Variants in PLXNA1 observed in about 807,000 individuals in gnomAD.
PLXNA1 encodes plexin-A1.
PLXNA1 carries 77 observed loss-of-function variants against 191.7 expected under a neutral mutation model. The observed-to-expected ratio is 0.40, with a 90% CI of 0.33 to 0.49. PLXNA1 has a LOEUF of 0.49. PLXNA1 is among the 20% of genes least tolerant of loss of function. PLXNA1 has a pLI of 0.63. For synonymous variants in PLXNA1, 1,137 were observed against 1,156.4 expected, an observed-to-expected ratio of 0.98 and a Z score of 0.34; for missense variants, 2,110 against 2,660.2, an observed-to-expected ratio of 0.79 and a Z score of 4.55.
At chr3:126,991,678 G>C in intron 3 of PLXNA1, 112 bp downstream of exon 3, 1 of 1,155,898 alleles carries the variant, frequency 8.7e-7, no homozygotes, top group Non-Finnish European at 1.2e-6. Context: ...GGCTAGATCT[G>C]GCGTACAGGG....
intron 23 of PLXNA1, chr3:127,026,332 G>C (rs2079176347): frequency 1.3e-5 from 2 of 152,216 alleles, no homozygotes; most frequent in African/African-American, 2.4e-5. Flanking sequence ...TGGCTTGTAT[G>C]GGGCAGGTGC....
At chr3:127,031,265 C>T (rs1175981277) in intron 29 of PLXNA1, among the ~76,000 whole-genome samples, 3 of 152,332 alleles carry the variant, frequency 2.0e-5, no homozygotes, top group East Asian at 1.9e-4. Context: ...GCCCCTGGAG[C>T]GGGTCCCTGC....
At chr3:126,991,915 G>C (rs978612483) in intron 3 of PLXNA1, among the ~76,000 whole-genome samples, 10 of 152,114 alleles carry the variant, frequency 6.6e-5, no homozygotes, top group Non-Finnish European at 1.2e-4. Context: ...AGGCCTGCGC[G>C]GCCCCCTCCC....
intron 3 of PLXNA1, among the ~76,000 whole-genome samples, chr3:126,994,120 T>TGACAGGTGGGGAAACTGAGTGCTCAA (rs2079004086): frequency 2.0e-5 from 3 of 152,090 alleles, no homozygotes; most frequent in South Asian, 2.1e-4. Context: ...GTCATCTGTT[T>TGACAGGTGGGGAAACTGAGTGCTCAA]GACAGGTGGG....
chr3:126,989,553 C>T lies in PLXNA1; in HGVS notation c.960C>T (p.Pro320=), dbSNP rs145537068. 54 of 1,613,230 alleles carry T rather than the reference C, an allele frequency of 3.3e-5. No homozygotes were observed. Among genetic ancestry groups the T allele is most frequent in the East Asian group, 2.9e-4 (13 of 44,886 alleles). The change falls in exon 2 of 32, where the codon CCC becomes CCT. Residue 320 remains proline, a synonymous_variant. Coordinates refer to ENST00000393409, the MANE Select transcript of PLXNA1 (RefSeq NM_032242.4). The stretch of plus-strand genomic sequence containing the variant: ...TGCAGGATGCCTACCTGAGCCGGCC[C>T]GGCCGTGCCCTGGCCCACCAGCTGG... ...RLVQDAYLSR[P]GRALAHQLGL... is the part of the protein sequence containing the mutation.
At chr3:126,997,699 G>A (rs780652524) in intron 3 of PLXNA1, among the ~76,000 whole-genome samples, 4 of 152,274 alleles carry the variant, frequency 2.6e-5, no homozygotes, top group Non-Finnish European at 5.9e-5. Flanking sequence ...GCGACCTGCT[G>A]TTTGCCCTGT....
intron 15 of PLXNA1, 114 bp from the exon 16 acceptor site, chr3:127,016,403 C>G: frequency 1.1e-6 from 1 of 902,678 alleles, no homozygotes; most frequent in Non-Finnish European, 1.7e-6. Context: ...TGCAGCCACC[C>G]AAGGCAGTAC....
intron 9 of PLXNA1, among the ~76,000 whole-genome samples, chr3:127,009,506 T>G (rs182743161): frequency 0.026 from 3,961 of 151,904 alleles, 80 homozygotes; most frequent in Middle Eastern, 0.041. Flanking sequence ...CTAAGGGGTG[T>G]GACGTGAGTC....
chr3:127,013,577 G>T (rs150453008), intron 10 of PLXNA1, among the ~76,000 whole-genome samples: 1 of 152,220 alleles, frequency 6.6e-6, no homozygotes, highest in Non-Finnish European at 1.5e-5. Flanking sequence ...GATTTTGCCT[G>T]TCTCTGCCCC....
chr3:127,021,323 A>T (rs2079151285), intron 21 of PLXNA1, among the ~76,000 whole-genome samples: 1 of 152,060 alleles, frequency 6.6e-6, no homozygotes, highest in South Asian at 2.1e-4. Context: ...GTGACTGTGT[A>T]TGTTCTGCCT....
intron 1 of PLXNA1, among the ~76,000 whole-genome samples, chr3:126,983,625 CG>C (rs1161736906): frequency 1.3e-5 from 2 of 148,440 alleles, no homozygotes; most frequent in African/African-American, 4.9e-5. Context: ...GCCCCCCGGC[CG>C]GGCCCGCCGA....
chr3:127,030,056 GC>G lies in PLXNA1; in HGVS notation c.5055del (p.Thr1686ProfsTer66). On this transcript the variant is annotated frameshift_variant, in exon 28 of 32. Transcript: ENST00000393409. LOFTEE classifies it high-confidence loss of function. ...VSEIYLTRLL[A>X]TKGTLQKFVD... ...GGAGATCTACTTGACACGGCTACTG[GC>G]CACCAAGGTGGGCCTGGCTGGCAGA... is the stretch of plus-strand genomic sequence containing the variant. 1 of 1,610,488 alleles carries G rather than the reference GC, an allele frequency of 6.2e-7. No homozygotes were observed. Among genetic ancestry groups the G allele is most frequent in the Non-Finnish European group, 8.5e-7 (1 of 1,177,402 alleles).
rs2078978442 is a variant in PLXNA1 at position 126,989,444 on chromosome 3, G to A, written c.851G>A (p.Arg284Gln). The A allele has an allele frequency of 1.2e-6, 2 of 1,613,588 alleles. No homozygotes were observed. The highest frequency in any genetic ancestry group is 1.7e-6 in the Non-Finnish European group (2 of 1,180,034). Residue 284 changes from arginine (R) to glutamine (Q), a missense_variant, in exon 2 of 32, where the codon CGG (arginine) becomes CAG (glutamine). Transcript: ENST00000393409. ...GEHFFTSKIV[R>Q]LCVDDPKFYS... ...CACTTCTTCACGTCCAAGATCGTGC[G>A]GCTCTGTGTGGACGACCCCAAATTC...
intron 9 of PLXNA1, among the ~76,000 whole-genome samples, chr3:127,011,199 T>A (rs923758510): frequency 2.6e-5 from 4 of 152,222 alleles, no homozygotes; most frequent in African/African-American, 9.6e-5. Context: ...CCAGTGGCCC[T>A]AGCTGCAAGG....
chr3:126,991,324 G>T, intron 2 of PLXNA1, 60 bp from the exon 3 acceptor site: 1 of 1,585,522 alleles, frequency 6.3e-7, no homozygotes. Flanking sequence ...TGCCCAGGGA[G>T]GCCCAGTCCT....
rs376743022 is a variant in PLXNA1 at position 127,016,692 on chromosome 3, C to T, written c.3182+8C>T. ...CGAGTGGAGCATCAACAGGTGGGGC[C>T]CAGCAACACCCATTCCCTATCCCCA... is the stretch of plus-strand genomic sequence containing the variant. On this transcript the variant is annotated splice_region_variant and intron_variant, in intron 16 of 31. Transcript: ENST00000393409. 70 of 1,613,606 alleles carry T rather than the reference C, an allele frequency of 4.3e-5. No individual in the cohort carries two copies. The highest frequency in any genetic ancestry group is 3.3e-4 in the Middle Eastern group (2 of 6,080).
At position 127,022,765 on chromosome 3, in the gene PLXNA1, G is replaced by A; in HGVS notation, c.4309G>A (p.Ala1437Thr). The change falls in exon 23 of 32, where the codon GCA becomes ACA. Residue 1437 changes from alanine to threonine, a missense_variant. Transcript: ENST00000393409. ...TGTGCTCCCCAGGACTGAGTCGGTGGCAGAGAAGATGCTAACTAACTGGTT... is the reference window on the plus strand; with the variant it reads ...TGTGCTCCCCAGGACTGAGTCGGTGACAGAGAAGATGCTAACTAACTGGTT... ...KLLLRRTESV[A>T]EKMLTNWFTF... is the part of the protein sequence containing the mutation. The A allele has an allele frequency of 6.2e-7, 1 of 1,614,032 alleles. No individual in the cohort carries two copies. The highest frequency in any genetic ancestry group is 8.5e-7 in the Non-Finnish European group (1 of 1,179,966).
intron 2 of PLXNA1, among the ~76,000 whole-genome samples, chr3:126,990,643 G>T (rs1025769008): frequency 1.3e-5 from 2 of 152,230 alleles, no homozygotes; most frequent in Admixed American, 1.3e-4. Context: ...AGTCTCCCAT[G>T]TCTGACCTGA....
intron 3 of PLXNA1, among the ~76,000 whole-genome samples, chr3:126,999,383 C>T (rs993000298): frequency 2.6e-5 from 4 of 152,212 alleles, no homozygotes; most frequent in Admixed American, 1.3e-4. Flanking sequence ...CCGGAGGCAG[C>T]TCCACAGGTG....
Sources: allele counts gnomAD v4.1 joint callset (sites outside exome capture counted in the v4.1 genomes callset), GRCh38; gene constraint gnomAD v4.1.1; transcripts MANE v1.5; gene names NCBI Gene and HGNC (gene_info 2026-07-23, HGNC 2026-07-21).